HDAC4: variants seen among roughly 807,000 people sequenced by gnomAD.
The protein encoded by HDAC4 is histone deacetylase A.
Under a neutral mutation model 135.1 loss-of-function variants are expected in HDAC4, and 16 were observed. The observed-to-expected ratio is 0.12, with a 90% CI of 0.08 to 0.18. The LOEUF (loss-of-function observed/expected upper bound fraction) is 0.18, where lower values mean the gene tolerates loss of function less well. Among genes scored for constraint, HDAC4 ranks in the 10% least tolerant of loss-of-function variants. HDAC4 has a pLI of 1.00. For synonymous variants in HDAC4, 685 were observed against 653.4 expected, an observed-to-expected ratio of 1.05 and a Z score of -0.74; for missense variants, 1,143 against 1,511.8, an observed-to-expected ratio of 0.76 and a Z score of 4.05.
intron 3 of HDAC4, among the ~76,000 whole-genome samples, chr2:239,236,220 T>C (rs2047878203): frequency 6.6e-6 from 1 of 152,204 alleles, no homozygotes; most frequent in South Asian, 2.1e-4. Flanking sequence ...CACGGTCACG[T>C]GGCCAGTGGG....
chr2:239,067,262 C>G (rs2033628891), intron 23 of HDAC4, among the ~76,000 whole-genome samples: 1 of 152,134 alleles, frequency 6.6e-6, no homozygotes, highest in African/African-American at 2.4e-5. Flanking sequence ...GCTGCATGTG[C>G]TCCTGAAGCG....
chr2:239,119,615 G>GGAGCTCA (rs1221926785), intron 12 of HDAC4, among the ~76,000 whole-genome samples: 18 of 152,032 alleles, frequency 1.2e-4, no homozygotes, highest in Non-Finnish European at 2.6e-4. Flanking sequence ...CGCAGAGATG[G>GGAGCTCA]GAGCTCAGAG....
chr2:239,186,245 G>C (rs1575337692), intron 4 of HDAC4, among the ~76,000 whole-genome samples: 1 of 152,192 alleles, frequency 6.6e-6, no homozygotes, highest in South Asian at 2.1e-4. Flanking sequence ...AATAATTTAA[G>C]TTATATTTTA....
intron 8 of HDAC4, among the ~76,000 whole-genome samples, chr2:239,142,494 G>C (rs1435283794): frequency 6.6e-6 from 1 of 152,228 alleles, no homozygotes; most frequent in Non-Finnish European, 1.5e-5. Flanking sequence ...CCAAGTCCCA[G>C]TGCAAATGCC....
rs1010358657 is a variant in HDAC4 at position 239,349,477 on chromosome 2, G to A, written c.22+3201C>T. 2.0e-5 allele frequency among the ~76,000 whole-genome samples: 3 copies of A among 152,252 alleles called. No individual in the cohort carries two copies. The highest frequency in any genetic ancestry group is 2.9e-5 in the Non-Finnish European group (2 of 68,046). On this transcript the variant is annotated intron_variant, in intron 2 of 26. Transcript: ENST00000543185. The surrounding 1 kb of genome is among the most constrained non-coding windows in gnomAD (Gnocchi z 5.7). ...AGCACTTCCAGCAATGCCTGGGAGC[G>A]GACGGACAGGTGCATCAGCTGACAA...
At chr2:239,114,731 G>A (rs2038975633) in intron 13 of HDAC4, among the ~76,000 whole-genome samples, 1 of 152,190 alleles carries the variant, frequency 6.6e-6, no homozygotes, top group African/African-American at 2.4e-5. Flanking sequence ...AAAGCATGCT[G>A]TATCTCACTA....
Position 239,150,549 on chromosome 2 carries a change from G to A in HDAC4, c.734-5835C>T, listed in dbSNP as rs141544180. 1.0e-3 allele frequency among the ~76,000 whole-genome samples: 158 copies of A among 151,548 alleles called. 1 individual carries two copies. Among genetic ancestry groups the A allele is most frequent in the African/African-American group, 3.7e-3 (151 of 41,214 alleles). ...ATACAGCAGCAGGAAGTCTCACCAC[G>A]CTGCACCTCCTCAAGTATATACCAC... is the stretch of plus-strand genomic sequence containing the variant. On this transcript the variant is annotated intron_variant, in intron 7 of 26. Transcript: ENST00000543185.
At chr2:239,164,277 C>A (rs1483050229) in intron 5 of HDAC4, among the ~76,000 whole-genome samples, 1 of 152,226 alleles carries the variant, frequency 6.6e-6, no homozygotes, top group Admixed American at 6.5e-5. Context: ...ATTCTTGCTA[C>A]CGCAAAGCAG....
At position 239,139,711 on chromosome 2, in the gene HDAC4, C is replaced by T. The variant is rs201160832; in HGVS notation, c.951G>A (p.Ala317=). 1.4e-5 allele frequency: 22 copies of T among 1,614,034 alleles called. No individual in the cohort carries two copies. The highest frequency in any genetic ancestry group is 1.2e-4 in the Admixed American group (7 of 60,032). The change falls in exon 9 of 27, where the codon GCG becomes GCA. Residue 317 remains alanine, a synonymous_variant. Transcript: ENST00000543185. The surrounding 1 kb of genome is among the most constrained non-coding windows in gnomAD (Gnocchi z 5.3). ...CCGCCGGGATGCTGGGGACGGCGGG[C>T]GCGATACCGTTCTCCGCGCTGACGC... ...SGSVSAENGI[A]PAVPSIPAET...
At chr2:239,060,795 C>G (rs1162637900) in intron 24 of HDAC4, among the ~76,000 whole-genome samples, 1 of 152,268 alleles carries the variant, frequency 6.6e-6, no homozygotes, top group Admixed American at 6.5e-5. Context: ...ACAAGCAAAC[C>G]CGGAGCAGCC....
At chr2:239,277,990 C>CCAGCCACACACCCCAGCCACACACT (rs2125322073) in intron 2 of HDAC4, among the ~76,000 whole-genome samples, 1 of 147,638 alleles carries the variant, frequency 6.8e-6, no homozygotes, top group East Asian at 2.0e-4. Context: ...AGCCACACAC[C>CCAGCCACACACCCCAGCCACACACT]CCAGCCACAC....
chr2:239,211,758 A>T (rs2046363254), intron 3 of HDAC4, among the ~76,000 whole-genome samples: 1 of 152,182 alleles, frequency 6.6e-6, no homozygotes, highest in African/African-American at 2.4e-5. Flanking sequence ...GCCATATAAC[A>T]TATTCCCCAG....
At chr2:239,160,679 C>T (rs1301010045) in intron 6 of HDAC4, among the ~76,000 whole-genome samples, 1 of 152,202 alleles carries the variant, frequency 6.6e-6, no homozygotes, top group Non-Finnish European at 1.5e-5. Flanking sequence ...GTGCAGGGGC[C>T]CCAGTTTGCA....
intron 1 of HDAC4, among the ~76,000 whole-genome samples, chr2:239,356,790 G>T (rs1228142276): frequency 6.6e-6 from 1 of 152,052 alleles, no homozygotes; most frequent in African/African-American, 2.4e-5. Flanking sequence ...CTCACACCAC[G>T]ATATTTCCAT....
At chr2:239,252,498 G>A (rs1344129645) in intron 2 of HDAC4, among the ~76,000 whole-genome samples, 1 of 152,254 alleles carries the variant, frequency 6.6e-6, no homozygotes, top group Non-Finnish European at 1.5e-5. Flanking sequence ...TTGGCTGAGA[G>A]CATTTCTCAG....
At position 239,095,063 on chromosome 2, in the gene HDAC4, G is replaced by C. The variant is rs201372508; in HGVS notation, c.2234-7C>G. On this transcript the variant is annotated splice_region_variant and splice_polypyrimidine_tract_variant and intron_variant, in intron 16 of 26. Coordinates refer to ENST00000543185, the MANE Select transcript of HDAC4 (RefSeq NM_001378414.1). ...AACACGGAGGCGAGCGAGCCTGTGG[G>C]GGGGAGGGAGACGGTCAGAGAGGCC... The C allele has an allele frequency of 5.0e-6, 8 of 1,613,718 alleles. No individual in the cohort carries two copies. In the Admixed American group the frequency reaches 6.7e-5, roughly 13 times the overall value.
intron 4 of HDAC4, among the ~76,000 whole-genome samples, chr2:239,177,801 GA>G (rs1367675637): frequency 6.6e-6 from 1 of 152,226 alleles, no homozygotes; most frequent in Non-Finnish European, 1.5e-5. Flanking sequence ...AAGATGCACA[GA>G]AGAACTGTTT....
intron 2 of HDAC4, among the ~76,000 whole-genome samples, chr2:239,275,751 C>T (rs1182786762): frequency 2.6e-5 from 4 of 152,150 alleles, no homozygotes. Flanking sequence ...GCCAGGCACA[C>T]CCATGATGCA....
At chr2:239,122,902 A>C (rs2039814746) in intron 12 of HDAC4, among the ~76,000 whole-genome samples, 1 of 152,190 alleles carries the variant, frequency 6.6e-6, no homozygotes, top group South Asian at 2.1e-4. Flanking sequence ...CAGCTGCCAG[A>C]GCTGGGCAGA....
Sources: gnomAD v4.1 joint callset for allele counts (sites outside exome capture counted in the v4.1 genomes callset) on GRCh38, gnomAD v4.1.1 for gene constraint, Gnocchi (gnomAD v3.1) non-coding constraint, MANE v1.5 for transcripts, NCBI Gene and HGNC (gene_info 2026-07-23, HGNC 2026-07-21) for gene names.